The following ADGRL3 variants were observed in gnomAD, a reference collection of about 807,000 sequenced individuals.
ADGRL3 encodes adhesion G protein-coupled receptor L3, also known as calcium-independent alpha-latrotoxin receptor 3.
ADGRL3 carries 62 observed loss-of-function variants against 153.5 expected under a neutral mutation model. The observed-to-expected ratio is 0.40, with a 90% CI of 0.33 to 0.50. The LOEUF is 0.50. Among genes scored for constraint, ADGRL3 ranks in the 20% least tolerant of loss-of-function variants. The pLI, the probability that ADGRL3 is intolerant of heterozygous loss-of-function variation, is 0.47. For missense variants in ADGRL3, 1,641 were observed against 1,859.4 expected, an observed-to-expected ratio of 0.88 and a Z score of 2.16; for synonymous variants, 710 against 672.5, an observed-to-expected ratio of 1.06 and a Z score of -0.86.
chr4:61,897,936 G>T (rs1445285400), intron 11 of ADGRL3, among the ~76,000 whole-genome samples: 1 of 152,104 alleles, frequency 6.6e-6, no homozygotes, highest in Non-Finnish European at 1.5e-5. Context: ...GGCCTGTAGG[G>T]TACCAGATCA....
At chr4:61,804,955 A>AC (rs2097537666) in intron 8 of ADGRL3, among the ~76,000 whole-genome samples, 1 of 115,740 alleles carries the variant, frequency 8.6e-6, no homozygotes, top group Non-Finnish European at 1.8e-5. Context: ...ATTTATTTTT[A>AC]TTTATTTATT....
At position 61,441,812 on chromosome 4, in the gene ADGRL3, CA is replaced by C. The variant is rs2097531687; in HGVS notation, c.-173-55308del. ...ATTGAATATGCTTTCTTTCTAGTAT[CA>C]CCACTTTTGACTAGATAATATGGTT... On this transcript the variant is annotated intron_variant, in intron 2 of 26. Transcript: ENST00000683033. 6.6e-5 allele frequency among the ~76,000 whole-genome samples: 10 copies of C among 152,244 alleles called. No individual in the cohort carries two copies. The South Asian group carries it at 2.1e-3, about 32-fold the overall frequency.
chr4:61,824,934 A>G (rs1039685943), intron 9 of ADGRL3, among the ~76,000 whole-genome samples: 4 of 152,204 alleles, frequency 2.6e-5, no homozygotes, highest in Admixed American at 2.0e-4. Flanking sequence ...GAATTGTTAT[A>G]CATACAACAT....
intron 9 of ADGRL3, among the ~76,000 whole-genome samples, chr4:61,862,852 G>A (rs1253905360): frequency 6.6e-6 from 1 of 152,098 alleles, no homozygotes; most frequent in Non-Finnish European, 1.5e-5. Context: ...TAGATCAGTG[G>A]TTCTCATCCT....
chr4:61,485,216 C>A (rs2098176589), intron 2 of ADGRL3, among the ~76,000 whole-genome samples: 1 of 152,070 alleles, frequency 6.6e-6, no homozygotes, highest in African/African-American at 2.4e-5. Context: ...TTCTCTCTTG[C>A]CCGGTTGCTA....
intron 5 of ADGRL3, among the ~76,000 whole-genome samples, chr4:61,642,464 A>G (rs547323537): frequency 1.9e-4 from 29 of 152,260 alleles, no homozygotes; most frequent in Non-Finnish European, 3.7e-4. Flanking sequence ...TGATTTTTGT[A>G]TAAGGTGTAA....
chr4:61,439,858 A>G (rs1252385651), intron 2 of ADGRL3, among the ~76,000 whole-genome samples: 2 of 151,910 alleles, frequency 1.3e-5, no homozygotes, highest in East Asian at 1.9e-4. Flanking sequence ...CTGTAACTCA[A>G]TCCTTCTCTT....
chr4:61,496,465 A>G (rs1055723953), intron 2 of ADGRL3, among the ~76,000 whole-genome samples: 11 of 151,492 alleles, frequency 7.3e-5, no homozygotes, highest in Non-Finnish European at 1.3e-4. Context: ...GGAGTTCAAG[A>G]CCAGCCTGAC....
In ADGRL3 at chr4:61,202,811, T is replaced by C. The variant is rs1304136746; in HGVS notation, c.-240+1046T>C. Among the ~76,000 whole-genome samples, 2 of 152,140 alleles carry C rather than the reference T, an allele frequency of 1.3e-5. No individual in the cohort carries two copies. Among genetic ancestry groups the C allele is most frequent in the Non-Finnish European group, 2.9e-5 (2 of 67,994 alleles). On this transcript the variant is annotated intron_variant, in intron 1 of 26. Transcript: ENST00000683033. This position sits in a 1 kb window ranked among gnomAD's most constrained non-coding sequence, Gnocchi z 5.0. ...TGGGGGCGACCTCCTCTACCAGCCT[T>C]ACTTGGCGGCGGAGTCAGCGTTTGA...
intron 4 of ADGRL3, among the ~76,000 whole-genome samples, chr4:61,577,945 ATTAG>A (rs1355949056): frequency 5.9e-5 from 9 of 152,222 alleles, no homozygotes; most frequent in African/African-American, 1.7e-4. Flanking sequence ...TTTATAGTAT[ATTAG>A]TTAGTAAAGA....
chr4:61,394,788 T>G (rs966826290), intron 2 of ADGRL3, among the ~76,000 whole-genome samples: 1 of 152,062 alleles, frequency 6.6e-6, no homozygotes, highest in South Asian at 2.1e-4. Flanking sequence ...AAAATTTAAT[T>G]CCTGGGGAGT....
At chr4:61,574,693 T>G (rs925285523) in intron 4 of ADGRL3, among the ~76,000 whole-genome samples, 3 of 151,876 alleles carry the variant, frequency 2.0e-5, no homozygotes, top group African/African-American at 7.2e-5. Flanking sequence ...AAAACAATTT[T>G]GAATTAATAT....
At chr4:61,949,309 T>C (rs560548307) in intron 17 of ADGRL3, among the ~76,000 whole-genome samples, 2 of 152,196 alleles carry the variant, frequency 1.3e-5, no homozygotes, top group East Asian at 1.9e-4. Flanking sequence ...GCATTAAAAA[T>C]TTAATTTTTG....
At chr4:62,029,768 A>G (rs1014894432) in intron 22 of ADGRL3, among the ~76,000 whole-genome samples, 1 of 148,610 alleles carries the variant, frequency 6.7e-6, no homozygotes, top group Non-Finnish European at 1.5e-5. Context: ...CCTTGGGCCC[A>G]TCATGTGTTT....
At chr4:61,830,565 G>A (rs1175013872) in intron 9 of ADGRL3, among the ~76,000 whole-genome samples, 4 of 152,114 alleles carry the variant, frequency 2.6e-5, no homozygotes, top group Non-Finnish European at 5.9e-5. Flanking sequence ...TTTCAGAGAT[G>A]TCTAGCCTAT....
At chr4:61,491,766 T>C (rs335295) in intron 2 of ADGRL3, among the ~76,000 whole-genome samples, 116,311 of 152,014 alleles carry the variant, frequency 0.77, 46,180 homozygotes, top group East Asian at 0.95. Context: ...TTTACCATTT[T>C]ATCAAGGTGC....
intron 17 of ADGRL3, among the ~76,000 whole-genome samples, chr4:61,968,415 A>G (rs928609884): frequency 2.6e-5 from 4 of 152,102 alleles, no homozygotes; most frequent in Non-Finnish European, 5.9e-5. Flanking sequence ...CATCATTTAC[A>G]TTTCTGTCTC....
At chr4:61,820,556 T>A (rs1023431254) in intron 9 of ADGRL3, among the ~76,000 whole-genome samples, 6 of 152,312 alleles carry the variant, frequency 3.9e-5, no homozygotes, top group African/African-American at 1.2e-4. Context: ...AGGACTTTTT[T>A]AAAAAGCTTC....
chr4:61,756,304 G>A (rs1442656683), intron 8 of ADGRL3, among the ~76,000 whole-genome samples: 1 of 152,104 alleles, frequency 6.6e-6, no homozygotes, highest in African/African-American at 2.4e-5. Flanking sequence ...TTGAGCAGTG[G>A]TTTGTAGTTC....
Sources: allele counts gnomAD v4.1 joint callset (sites outside exome capture counted in the v4.1 genomes callset), GRCh38; gene constraint gnomAD v4.1.1; non-coding constraint Gnocchi (gnomAD v3.1); transcripts MANE v1.5; gene names NCBI Gene and HGNC (gene_info 2026-07-23, HGNC 2026-07-21).